The following FOXN3 variants were observed in gnomAD, a reference collection of about 807,000 sequenced individuals.
FOXN3 encodes forkhead box protein N3.
A neutral mutation model predicts 38.4 loss-of-function variants in FOXN3; 7 were observed. That is an observed-to-expected ratio of 0.18 (90% CI 0.10 to 0.34). FOXN3 has a LOEUF of 0.34. Among genes scored for constraint, FOXN3 ranks in the 10% least tolerant of loss-of-function variants. The pLI is 1.00. For missense variants in FOXN3, 456 were observed against 613.4 expected, an observed-to-expected ratio of 0.74 and a Z score of 2.71; for synonymous variants, 230 against 242.2, an observed-to-expected ratio of 0.95 and a Z score of 0.47.
chr14:89,597,059 A>G (rs1445491738), intron 1 of FOXN3, among the ~76,000 whole-genome samples: 1 of 152,106 alleles, frequency 6.6e-6, no homozygotes, highest in East Asian at 1.9e-4. Context: ...TGCTTAGGTT[A>G]TTTTTAAACC....
At chr14:89,596,871 A>G (rs1041894659) in intron 1 of FOXN3, among the ~76,000 whole-genome samples, 2 of 151,880 alleles carry the variant, frequency 1.3e-5, no homozygotes, top group Admixed American at 1.3e-4. Context: ...CATTCCTCAT[A>G]GTTGTTGTTG....
intron 4 of FOXN3, among the ~76,000 whole-genome samples, chr14:89,225,838 C>T (rs1386135197): frequency 3.9e-5 from 6 of 152,162 alleles, no homozygotes; most frequent in Non-Finnish European, 8.8e-5. Context: ...AGTGAAGGCC[C>T]ATCAGGCTCT....
chr14:89,594,004 C>A (rs1015648543), intron 1 of FOXN3, among the ~76,000 whole-genome samples: 1 of 152,214 alleles, frequency 6.6e-6, no homozygotes, highest in South Asian at 2.1e-4. Context: ...CAATGAGACT[C>A]ATCCAGGTTG....
chr14:89,538,276 T>C (rs1304669656), intron 1 of FOXN3, among the ~76,000 whole-genome samples: 1 of 152,054 alleles, frequency 6.6e-6, no homozygotes. Flanking sequence ...AAAACCCAGT[T>C]CCTCCCCTCA....
intron 1 of FOXN3, among the ~76,000 whole-genome samples, chr14:89,426,215 ATTTTTTTTTTT>A (rs33964198): frequency 3.9e-5 from 3 of 77,560 alleles, no homozygotes; most frequent in East Asian, 4.5e-4. Context: ...AGGAGTACTG[ATTTTTTTTTTT>A]TTTTTTTTTT....
At chr14:89,259,020 A>G (rs1272524126) in intron 4 of FOXN3, among the ~76,000 whole-genome samples, 4 of 152,238 alleles carry the variant, frequency 2.6e-5, no homozygotes, top group African/African-American at 9.6e-5. Context: ...TGCCTATAGC[A>G]GACAGCATCA....
At chr14:89,509,885 C>T (rs962678974) in intron 1 of FOXN3, among the ~76,000 whole-genome samples, 1 of 152,210 alleles carries the variant, frequency 6.6e-6, no homozygotes, top group Admixed American at 6.5e-5. Context: ...TTCAAAATGA[C>T]CCATTGTGGC....
intron 4 of FOXN3, among the ~76,000 whole-genome samples, chr14:89,248,051 C>T (rs2139874754): frequency 1.3e-5 from 2 of 152,314 alleles, no homozygotes; most frequent in South Asian, 4.2e-4. Context: ...CCTTCCCTGG[C>T]CACTTTACCT....
intron 1 of FOXN3, among the ~76,000 whole-genome samples, chr14:89,483,097 C>T (rs906189994): frequency 9.9e-5 from 15 of 152,212 alleles, no homozygotes; most frequent in African/African-American, 3.6e-4. Flanking sequence ...ATCCCAGCTA[C>T]TCGGGGGACT....
intron 3 of FOXN3, among the ~76,000 whole-genome samples, chr14:89,287,562 C>T (rs999909667): frequency 2.0e-5 from 3 of 152,100 alleles, no homozygotes; most frequent in African/African-American, 7.2e-5. Flanking sequence ...TCCTCCTAGA[C>T]ATCCTTAACT....
intron 1 of FOXN3, among the ~76,000 whole-genome samples, chr14:89,587,493 T>G (rs781157072): frequency 6.6e-6 from 1 of 152,132 alleles, no homozygotes; most frequent in African/African-American, 2.4e-5. Flanking sequence ...AGAGGGTGTA[T>G]GCCTCATGTA....
At chr14:89,446,919 G>A (rs916791125) in intron 1 of FOXN3, among the ~76,000 whole-genome samples, 5 of 152,076 alleles carry the variant, frequency 3.3e-5, no homozygotes, top group East Asian at 1.9e-4. Flanking sequence ...TTCCTGGGCC[G>A]GGCACGGTGG....
At chr14:89,513,922 A>ACACGCACG (rs1894149442) in intron 1 of FOXN3, among the ~76,000 whole-genome samples, 1 of 151,418 alleles carries the variant, frequency 6.6e-6, no homozygotes, top group Non-Finnish European at 1.5e-5. Flanking sequence ...ACACACACAC[A>ACACGCACG]CACACACGCA....
intron 1 of FOXN3, among the ~76,000 whole-genome samples, chr14:89,471,752 A>G (rs1893099096): frequency 6.6e-6 from 1 of 152,146 alleles, no homozygotes; most frequent in Non-Finnish European, 1.5e-5. Context: ...GCCTGCCTGA[A>G]GTTAGGGGTG....
At chr14:89,329,367 G>C (rs1225540257) in intron 3 of FOXN3, among the ~76,000 whole-genome samples, 3 of 152,164 alleles carry the variant, frequency 2.0e-5, no homozygotes, top group African/African-American at 7.2e-5. Context: ...GAACATAGCA[G>C]AAGGGATTTG....
At chr14:89,240,622 C>G in intron 4 of FOXN3, among the ~76,000 whole-genome samples, 1 of 152,194 alleles carries the variant, frequency 6.6e-6, no homozygotes, top group African/African-American at 2.4e-5. Flanking sequence ...GTGTAAACAT[C>G]CACACACATC....
Position 89,362,160 on chromosome 14 carries a change from C to T in FOXN3, c.544-11352G>A, listed in dbSNP as rs866908046. 2.5e-3 allele frequency among the ~76,000 whole-genome samples: 53 copies of T among 21,468 alleles called. 2 individuals carry two copies. The highest frequency in any genetic ancestry group is 4.5e-3 in the East Asian group (3 of 670). 14.1% of individuals were successfully genotyped at this position (21,468 alleles called of 152,430 possible). A position where few individuals can be genotyped will look rare whatever the true frequency, so the allele number is the denominator to read the frequency against. Reference sequence around the variant, plus strand: ...CCACCTCCAGCACCACCTCCACCACCACCACCTCCAGCACCACCTCCACCA... The same window carrying T: ...CCACCTCCAGCACCACCTCCACCACTACCACCTCCAGCACCACCTCCACCA... On this transcript the variant is annotated intron_variant, in intron 2 of 5. Coordinates refer to ENST00000557258, the MANE Select transcript of FOXN3 (RefSeq NM_005197.4).
In FOXN3 at chr14:89,172,417, T is replaced by C. The variant is rs566561453; in HGVS notation, c.851+8284A>G. ...TATAGGAGTATTAATCCACAACAAA[T>C]TGATGTAGAGATTCCATACCACTCT... On this transcript the variant is annotated intron_variant, in intron 5 of 5. Transcript: ENST00000557258. 3.3e-5 allele frequency among the ~76,000 whole-genome samples: 5 copies of C among 152,224 alleles called. No homozygotes were observed. In the South Asian group the frequency reaches 8.3e-4, roughly 25 times the overall value.
At chr14:89,561,140 CT>C (rs1289621981) in intron 1 of FOXN3, among the ~76,000 whole-genome samples, 1 of 152,216 alleles carries the variant, frequency 6.6e-6, no homozygotes, top group East Asian at 1.9e-4. Flanking sequence ...AACGGGTGGC[CT>C]CCGTGATAAA....
Sources: gnomAD v4.1 joint callset for allele counts (sites outside exome capture counted in the v4.1 genomes callset) on GRCh38, gnomAD v4.1.1 for gene constraint, MANE v1.5 for transcripts, NCBI Gene and HGNC (gene_info 2026-07-23, HGNC 2026-07-21) for gene names.